ITGA9: variants seen among roughly 807,000 people sequenced by gnomAD.
The protein encoded by ITGA9 is integrin subunit alpha 9, also known as integrin alpha-9.
A neutral mutation model predicts 127.8 loss-of-function variants in ITGA9; 56 were observed. The ratio of observed to expected loss-of-function variants is 0.44; its 90% CI spans 0.35 to 0.55. The LOEUF (loss-of-function observed/expected upper bound fraction) is 0.55. Among genes scored for constraint, ITGA9 ranks in the 20% least tolerant of loss-of-function variants. The pLI, the probability that ITGA9 is intolerant of heterozygous loss-of-function variation, is 0.00. For missense variants in ITGA9, 1,196 were observed against 1,347.1 expected, an observed-to-expected ratio of 0.89 and a Z score of 1.76; for synonymous variants, 508 against 514.5, an observed-to-expected ratio of 0.99 and a Z score of 0.17.
At chr3:37,463,349 C>T (rs1698336619) in intron 1 of ITGA9, among the ~76,000 whole-genome samples, 1 of 152,186 alleles carries the variant, frequency 6.6e-6, no homozygotes, top group African/African-American at 2.4e-5. Context: ...AGGTTGGGTT[C>T]AGCTGGGTGG....
At chr3:37,462,841 T>C (rs750774457) in intron 1 of ITGA9, among the ~76,000 whole-genome samples, 19 of 152,344 alleles carry the variant, frequency 1.2e-4, no homozygotes, top group Middle Eastern at 3.4e-3. Flanking sequence ...TTGTGCCTCA[T>C]CACTGCCTTG....
At chr3:37,668,072 G>C (rs1255772834) in intron 17 of ITGA9, among the ~76,000 whole-genome samples, 1 of 152,068 alleles carries the variant, frequency 6.6e-6, no homozygotes, top group Non-Finnish European at 1.5e-5. Flanking sequence ...AGCTTTTCAG[G>C]GCCCACCATA....
At chr3:37,792,628 G>C (rs1236928735) in intron 26 of ITGA9, among the ~76,000 whole-genome samples, 1 of 152,202 alleles carries the variant, frequency 6.6e-6, no homozygotes, top group Non-Finnish European at 1.5e-5. Context: ...TCCATGCCAG[G>C]TAACACCACT....
intron 19 of ITGA9, chr3:37,733,018 A>G: frequency 1.8e-6 from 1 of 560,736 alleles, no homozygotes; most frequent in South Asian, 1.9e-5. Flanking sequence ...TTCGATTCAC[A>G]TGATGTACCC....
At chr3:37,718,617 T>C (rs889386537) in intron 18 of ITGA9, among the ~76,000 whole-genome samples, 2 of 152,222 alleles carry the variant, frequency 1.3e-5, no homozygotes, top group African/African-American at 4.8e-5. Context: ...CTGACTCTGC[T>C]TCTGCTGTAA....
At chr3:37,526,551 C>T (rs1699095550) in intron 13 of ITGA9, among the ~76,000 whole-genome samples, 1 of 152,248 alleles carries the variant, frequency 6.6e-6, no homozygotes, top group Admixed American at 6.5e-5. Context: ...CGTTAGACAG[C>T]ACGTCATTCC....
At chr3:37,672,637 A>G (rs1700648163) in intron 17 of ITGA9, among the ~76,000 whole-genome samples, 1 of 152,172 alleles carries the variant, frequency 6.6e-6, no homozygotes, top group South Asian at 2.1e-4. Context: ...AGCGTATCAT[A>G]GGGGATGTTG....
At chr3:37,800,271 C>T (rs991701026) in intron 26 of ITGA9, among the ~76,000 whole-genome samples, 7 of 152,192 alleles carry the variant, frequency 4.6e-5, no homozygotes, top group African/African-American at 7.2e-5. Context: ...CAGCTAACCC[C>T]GCTGAGCTCA....
At chr3:37,556,168 C>A (rs1200045095) in intron 15 of ITGA9, among the ~76,000 whole-genome samples, 1 of 152,188 alleles carries the variant, frequency 6.6e-6, no homozygotes, top group Non-Finnish European at 1.5e-5. Context: ...AGGTCTTGCT[C>A]TGATCAACCA....
intron 23 of ITGA9, among the ~76,000 whole-genome samples, chr3:37,763,339 C>T (rs1373704544): frequency 1.3e-5 from 2 of 152,206 alleles, no homozygotes; most frequent in African/African-American, 2.4e-5. Flanking sequence ...CGGGAGTTTG[C>T]AATGAGAATT....
At chr3:37,627,363 A>G (rs536655581) in intron 15 of ITGA9, among the ~76,000 whole-genome samples, 5 of 152,040 alleles carry the variant, frequency 3.3e-5, no homozygotes, top group East Asian at 1.9e-4. Flanking sequence ...ACTCCACTTC[A>G]TCATGGCCGT....
chr3:37,603,704 C>G (rs554685562), intron 15 of ITGA9, among the ~76,000 whole-genome samples: 9 of 152,238 alleles, frequency 5.9e-5, no homozygotes, highest in Admixed American at 3.9e-4. Context: ...ATGGACCCCC[C>G]TATACCCAGT....
chr3:37,490,975 C>CCCTTTTT (rs548395527), intron 4 of ITGA9, among the ~76,000 whole-genome samples: 2 of 105,100 alleles, frequency 1.9e-5, no homozygotes, highest in Non-Finnish European at 2.0e-5. Flanking sequence ...TTCCCCCCCG[C>CCCTTTTT]TTTTTTTTTT....
At chr3:37,726,820 C>T (rs964695199) in intron 18 of ITGA9, among the ~76,000 whole-genome samples, 15 of 152,282 alleles carry the variant, frequency 9.9e-5, no homozygotes, top group Middle Eastern at 3.4e-3. Context: ...GAAATGAGTA[C>T]GCATAAATCA....
At chr3:37,488,801 A>AC (rs1267924642) in intron 4 of ITGA9, among the ~76,000 whole-genome samples, 5 of 152,042 alleles carry the variant, frequency 3.3e-5, no homozygotes, top group Non-Finnish European at 1.5e-5. Context: ...CTGTCTCAAA[A>AC]AAAAAAAAAA....
intron 8 of ITGA9, 110 bp from the exon 9 acceptor site, chr3:37,513,653 T>C: frequency 3.1e-6 from 4 of 1,305,164 alleles, no homozygotes; most frequent in Non-Finnish European, 4.3e-6. Context: ...GTTCTCATTG[T>C]TCAATTCCTC....
In ITGA9 at chr3:37,453,123, C is replaced by G. The variant is rs924313696; in HGVS notation, c.185+564C>G. On this transcript the variant is annotated intron_variant, in intron 1 of 27. Transcript: ENST00000264741. ...GAGCCCAGAGCCCCGGCGCCCCCCCCCCCCCCCAGCTCCTACAAGACCCTG... is the reference window on the plus strand; with the variant it reads ...GAGCCCAGAGCCCCGGCGCCCCCCCGCCCCCCCAGCTCCTACAAGACCCTG... Among the ~76,000 whole-genome samples, 50 of 151,120 alleles carry G rather than the reference C, an allele frequency of 3.3e-4. 2 individuals are homozygous for G. The highest frequency in any genetic ancestry group is 1.1e-3 in the African/African-American group (44 of 41,186).
At chr3:37,493,388 G>C (rs1353595679) in intron 4 of ITGA9, among the ~76,000 whole-genome samples, 2 of 152,160 alleles carry the variant, frequency 1.3e-5, no homozygotes, top group Non-Finnish European at 2.9e-5. Flanking sequence ...GGTGGTACAG[G>C]GTCACTGGGG....
rs148239815 is a variant in ITGA9 at position 37,772,944 on chromosome 3, C to T, written c.2542-4448C>T. Among the ~76,000 whole-genome samples the T allele has an allele frequency of 5.9e-5, 9 of 152,312 alleles. 1 individual carries two copies. Among genetic ancestry groups the T allele is most frequent in the Admixed American group, 3.3e-4 (5 of 15,292 alleles). ...GTTCACAGGCCACCCCAGAAACTCC[C>T]GGCGGGAGACAGAAACTAACTTCTG... On this transcript the variant is annotated intron_variant, in intron 23 of 27. Coordinates refer to ENST00000264741, the MANE Select transcript of ITGA9 (RefSeq NM_002207.3).
Sources: gnomAD v4.1 joint callset for allele counts (sites outside exome capture counted in the v4.1 genomes callset) on GRCh38, gnomAD v4.1.1 for gene constraint, MANE v1.5 for transcripts, NCBI Gene and HGNC (gene_info 2026-07-23, HGNC 2026-07-21) for gene names.